The following CELF2 variants were observed in gnomAD, a reference collection of about 807,000 sequenced individuals.
CELF2 encodes CUG triplet repeat RNA-binding protein 2.
A neutral mutation model predicts 62.6 loss-of-function variants in CELF2; 8 were observed. The observed-to-expected ratio is 0.13, with a 90% CI of 0.07 to 0.23. The LOEUF (loss-of-function observed/expected upper bound fraction) is 0.23. Among genes scored for constraint, CELF2 ranks in the 10% least tolerant of loss-of-function variants. CELF2 has a pLI of 1.00. For synonymous variants in CELF2, 258 were observed against 250.0 expected (o/e 1.03, Z -0.30); for missense variants, 333 against 671.0 (o/e 0.50, Z 5.56).
At chr10:10,552,299 A>G in the CELF2 span, among the ~76,000 whole-genome samples, 1 of 152,238 alleles carries the variant, frequency 6.6e-6, no homozygotes, top group Non-Finnish European at 1.5e-5. Context: ...CTAGCAATGA[A>G]TGGATAGGCA....
intron 2 of CELF2, among the ~76,000 whole-genome samples, chr10:11,170,972 C>T (rs761734699): frequency 2.6e-5 from 4 of 152,130 alleles, no homozygotes; most frequent in Non-Finnish European, 5.9e-5. Context: ...AATCACTTGG[C>T]ATTTGAGATT....
At chr10:11,053,338 T>C (rs1440063481) in intron 1 of CELF2, among the ~76,000 whole-genome samples, 1 of 152,216 alleles carries the variant, frequency 6.6e-6, no homozygotes, top group East Asian at 1.9e-4. Context: ...TCTCTCAGTA[T>C]TTTCTAGTGC....
At chr10:11,160,662 AAAG>A (rs1321722546) in intron 1 of CELF2, among the ~76,000 whole-genome samples, 8 of 151,820 alleles carry the variant, frequency 5.3e-5, no homozygotes, top group Non-Finnish European at 8.8e-5. Context: ...AAAAAAAAAA[AAAG>A]AGTATTGGAG....
intron 2 of CELF2, among the ~76,000 whole-genome samples, chr10:10,977,203 T>A (rs1469241868): frequency 6.6e-6 from 1 of 152,204 alleles, no homozygotes; most frequent in Non-Finnish European, 1.5e-5. Flanking sequence ...TGAAATTGTT[T>A]TGGAAAAGTG....
In CELF2 at chr10:10,995,202, C is replaced by G. The variant is rs539333243; in HGVS notation, c.89+75203C>G. On this transcript the variant is annotated intron_variant, in intron 2 of 13. Coordinates refer to the CELF2 transcript ENST00000636488. This position sits in a 1 kb window ranked among gnomAD's most constrained non-coding sequence, Gnocchi z 4.7. ...CTTAGAGTAATTCAACTTTAGATAACTAACACTGTAGTCCTTCAGAAAAAG... is the reference window on the plus strand; with the variant it reads ...CTTAGAGTAATTCAACTTTAGATAAGTAACACTGTAGTCCTTCAGAAAAAG... Among the ~76,000 whole-genome samples the G allele has an allele frequency of 7.9e-5, 12 of 152,338 alleles. No individual in the cohort carries two copies. The East Asian group carries it at 2.3e-3, about 29-fold the overall frequency.
At chr10:10,875,386 A>C (rs2061016998) in intron 1 of CELF2, among the ~76,000 whole-genome samples, 1 of 152,192 alleles carries the variant, frequency 6.6e-6, no homozygotes, top group Non-Finnish European at 1.5e-5. Context: ...GTGTAATCAC[A>C]TTTTCAGAGG....
chr10:10,904,362 G>A (rs2063170137), intron 1 of CELF2, among the ~76,000 whole-genome samples: 1 of 151,910 alleles, frequency 6.6e-6, no homozygotes, highest in Non-Finnish European at 1.5e-5. Context: ...AAGTAGCTGG[G>A]ACTACCGGCA....
intron 3 of CELF2, among the ~76,000 whole-genome samples, chr10:11,222,359 A>T (rs1021999186): frequency 2.6e-5 from 4 of 152,132 alleles, no homozygotes; most frequent in African/African-American, 9.7e-5. Context: ...CTCAAACCTC[A>T]TCTCACTGTG....
rs1158070906 is a variant in CELF2 at position 10,981,961 on chromosome 10, T to TC, written c.89+61962_89+61963insC. ...TCGACTTCCTTTTCCTTTTTTTTTT[T>TC]TTTTTTTTTTTGAGATGGAGTCTCA... On this transcript the variant is annotated intron_variant, in intron 2 of 13. Coordinates refer to the CELF2 transcript ENST00000636488. Among the ~76,000 whole-genome samples the TC allele has an allele frequency of 6.9e-4, 101 of 147,016 alleles. 1 individual carries two copies. The highest frequency in any genetic ancestry group is 4.0e-3 in the South Asian group (18 of 4,456).
intron 1 of CELF2, among the ~76,000 whole-genome samples, chr10:11,103,213 G>A (rs2052291278): frequency 6.6e-6 from 1 of 152,024 alleles, no homozygotes; most frequent in African/African-American, 2.4e-5. Flanking sequence ...CGCTTTGCCA[G>A]AGCCAACCCC....
At chr10:10,932,934 A>G (rs1404108577) in intron 2 of CELF2, among the ~76,000 whole-genome samples, 1 of 152,154 alleles carries the variant, frequency 6.6e-6, no homozygotes, top group Non-Finnish European at 1.5e-5. Context: ...ATGAAATATG[A>G]ATTAGAAAAG....
chr10:10,827,566 A>G (rs188237000), intron 1 of CELF2, among the ~76,000 whole-genome samples: 5 of 152,344 alleles, frequency 3.3e-5, no homozygotes, highest in Admixed American at 1.3e-4. Flanking sequence ...AGGATGACCT[A>G]AAGTAGACTG....
the CELF2 span, among the ~76,000 whole-genome samples, chr10:10,639,178 G>T: frequency 6.6e-6 from 1 of 152,198 alleles, no homozygotes; most frequent in South Asian, 2.1e-4. Flanking sequence ...TGTGTGATTG[G>T]CACTGACATG....
At chr10:10,878,759 G>A (rs974568539) in intron 1 of CELF2, among the ~76,000 whole-genome samples, 2 of 151,976 alleles carry the variant, frequency 1.3e-5, no homozygotes, top group African/African-American at 4.8e-5. Context: ...TGTTTACGAC[G>A]AAAACATGAT....
rs192618998 is a variant in CELF2 at position 11,302,819 on chromosome 10, C to T, written c.977-11320C>T. ...ATTTTCACATTGTTCCGCTGTGCTG[C>T]GGACAGTGGAAGTTGGAGCCTTCAC... On this transcript the variant is annotated intron_variant, in intron 9 of 12. Transcript: ENST00000633077. The surrounding 1 kb of genome is among the most constrained non-coding windows in gnomAD (Gnocchi z 5.0). 6.6e-5 allele frequency among the ~76,000 whole-genome samples: 10 copies of T among 152,278 alleles called. No homozygotes were observed. Among genetic ancestry groups the T allele is most frequent in the Middle Eastern group, 3.4e-3 (1 of 294 alleles).
chr10:10,909,356 G>A (rs943339293), intron 1 of CELF2, among the ~76,000 whole-genome samples: 2 of 152,198 alleles, frequency 1.3e-5, no homozygotes, highest in Admixed American at 6.5e-5. Flanking sequence ...AGGAAATAAT[G>A]TGGCCCCTAC....
At chr10:11,151,160 C>T (rs954927187) in intron 1 of CELF2, among the ~76,000 whole-genome samples, 5 of 152,164 alleles carry the variant, frequency 3.3e-5, no homozygotes, top group Non-Finnish European at 7.3e-5. Flanking sequence ...AATATTAAGC[C>T]TTAATTTACA....
At chr10:11,135,560 T>C (rs556711678) in intron 1 of CELF2, among the ~76,000 whole-genome samples, 1 of 152,260 alleles carries the variant, frequency 6.6e-6, no homozygotes, top group Non-Finnish European at 1.5e-5. Context: ...GAAAGACCCT[T>C]GCCTTTCTGT....
the CELF2 span, among the ~76,000 whole-genome samples, chr10:10,771,358 A>T: frequency 1.3e-5 from 2 of 152,152 alleles, no homozygotes; most frequent in Admixed American, 6.5e-5. Flanking sequence ...ATCTTCCCAG[A>T]TGCTGGCAGA....
Sources: allele counts gnomAD v4.1 joint callset (sites outside exome capture counted in the v4.1 genomes callset), GRCh38; gene constraint gnomAD v4.1.1; non-coding constraint Gnocchi (gnomAD v3.1); transcripts MANE v1.5; gene names NCBI Gene and HGNC (gene_info 2026-07-23, HGNC 2026-07-21).